MRNIP: variants seen among roughly 807,000 people sequenced by gnomAD.
MRNIP encodes MRN complex-interacting protein.
Under a neutral mutation model 29.8 loss-of-function variants are expected in MRNIP, and 30 were observed. The ratio of observed to expected loss-of-function variants is 1.01; its 90% CI spans 0.75 to 1.36. The LOEUF (loss-of-function observed/expected upper bound fraction) is 1.36. Among genes scored for constraint, MRNIP ranks in the 40% most tolerant of loss-of-function variants. The pLI is 0.00. For synonymous variants in MRNIP, 201 were observed against 164.1 expected, an observed-to-expected ratio of 1.23 and a Z score of -1.72; for missense variants, 459 against 423.5, an observed-to-expected ratio of 1.08 and a Z score of -0.74.
intron 1 of MRNIP, 66 bp from the exon 2 acceptor site, chr5:179,853,503 T>C: frequency 1.5e-6 from 2 of 1,360,530 alleles, no homozygotes; most frequent in Non-Finnish European, 2.1e-6. Flanking sequence ...TGGGCTGGAC[T>C]CGGTGGCTCA....
rs75687657 is a variant in MRNIP at position 179,844,843 on chromosome 5, G to A, written c.216-616C>T. The stretch of plus-strand genomic sequence containing the variant: ...TCTTGCTAAATTATTAGTTCTAGTA[G>A]CTTTTTTGTAGATTCATTAGGATTT... On this transcript the variant is annotated intron_variant, in intron 3 of 6. Transcript: ENST00000292586. Among the ~76,000 whole-genome samples, 27 of 152,212 alleles carry A rather than the reference G, an allele frequency of 1.8e-4. No individual in the cohort carries two copies. The East Asian group carries it at 4.3e-3, about 24-fold the overall frequency.
At chr5:179,852,209 C>T (rs1050916942) in intron 2 of MRNIP, among the ~76,000 whole-genome samples, 3 of 151,474 alleles carry the variant, frequency 2.0e-5, no homozygotes, top group African/African-American at 7.3e-5. Context: ...CTGCTTAAAC[C>T]CGGGAGGCGA....
chr5:179,850,839 T>TCA (rs1759337613), intron 2 of MRNIP, among the ~76,000 whole-genome samples: 1 of 152,144 alleles, frequency 6.6e-6, no homozygotes, highest in African/African-American at 2.4e-5. Flanking sequence ...CATGGCACTG[T>TCA]CACTTGCTTC....
chr5:179,846,417 G>A (rs1759131291), intron 3 of MRNIP, among the ~76,000 whole-genome samples: 1 of 151,948 alleles, frequency 6.6e-6, no homozygotes. Context: ...CCTAGTAGCT[G>A]GGATTACAGG....
Position 179,850,129 on chromosome 5 carries a change from T to C in MRNIP, c.127-2063A>G, listed in dbSNP as rs530303944. ...GAATTTGAGAGCATGAGTCCTGCTA[T>C]GGCACAGGCAGATGTTAAGAGCCTG... On this transcript the variant is annotated intron_variant, in intron 2 of 6. Coordinates refer to ENST00000292586, the MANE Select transcript of MRNIP (RefSeq NM_016175.4). Among the ~76,000 whole-genome samples, 7 of 151,656 alleles carry C rather than the reference T, an allele frequency of 4.6e-5. No individual in the cohort carries two copies. In the South Asian group the frequency reaches 1.5e-3, roughly 31 times the overall value.
chr5:179,853,149 G>GA, intron 2 of MRNIP: 1 of 1,318,626 alleles, frequency 7.6e-7, no homozygotes, highest in Non-Finnish European at 1.0e-6. Flanking sequence ...TTGGCACACA[G>GA]AAAGTACTCA....
intron 6 of MRNIP, chr5:179,839,103 T>C (rs1758749600): frequency 6.6e-6 from 1 of 151,796 alleles, no homozygotes; most frequent in African/African-American, 2.4e-5. Context: ...ATACAAAAAT[T>C]AGCCAGGCGT....
At chr5:179,857,332 G>C (rs1490898826) in intron 1 of MRNIP, among the ~76,000 whole-genome samples, 1 of 151,908 alleles carries the variant, frequency 6.6e-6, no homozygotes, top group South Asian at 2.1e-4. Context: ...TTGGTGGCGC[G>C]CGCCTGTAAT....
chr5:179,850,120 G>A (rs975742654), intron 2 of MRNIP, among the ~76,000 whole-genome samples: 2 of 151,384 alleles, frequency 1.3e-5, no homozygotes, highest in African/African-American at 2.4e-5. Context: ...GAGAGCATGA[G>A]TCCTGCTATG....
chr5:179,847,370 AT>A (rs1489941484), intron 3 of MRNIP: 1 of 152,192 alleles, frequency 6.6e-6, no homozygotes, highest in African/African-American at 2.4e-5. Flanking sequence ...GGGTTTCACC[AT>A]GCTGGCCAGG....
At chr5:179,850,030 C>T (rs1266070992) in intron 2 of MRNIP, among the ~76,000 whole-genome samples, 2 of 114,296 alleles carry the variant, frequency 1.7e-5, no homozygotes, top group Non-Finnish European at 3.7e-5. Context: ...GTCCCGCTAT[C>T]GCACAGGCAG....
At chr5:179,846,024 T>A (rs1759114744) in intron 3 of MRNIP, 1 of 152,224 alleles carries the variant, frequency 6.6e-6, no homozygotes, top group African/African-American at 2.4e-5. Context: ...CCAGGGTATA[T>A]GAGTAGCTGC....
At chr5:179,845,133 A>G (rs1165895568) in intron 3 of MRNIP, among the ~76,000 whole-genome samples, 5 of 151,874 alleles carry the variant, frequency 3.3e-5, no homozygotes, top group Admixed American at 2.0e-4. Context: ...TTCTAGATTT[A>G]TCTTCCATTT....
At chr5:179,854,948 C>T (rs1193455996) in intron 1 of MRNIP, among the ~76,000 whole-genome samples, 1 of 152,090 alleles carries the variant, frequency 6.6e-6, no homozygotes, top group Non-Finnish European at 1.5e-5. Context: ...GGGTTGCCCG[C>T]TATTATTTAC....
Position 179,848,032 on chromosome 5 carries a change from C to T in MRNIP, c.161G>A (p.Arg54His), listed in dbSNP as rs191636298. ...YGEGSGADCR[R>H]HVQKLNLLQG... is the part of the protein sequence containing the mutation. ...TAGTAGATTTAACTTTTGGACATGG[C>T]GTCTACAATCAGCACCAGAGCCTTC... The change falls in exon 3 of 7, where the codon CGC becomes CAC. Residue 54 changes from arginine (R) to histidine (H), a missense_variant. Arg to His is a conservative substitution (Grantham distance 29, BLOSUM62 0). Transcript: ENST00000292586. 65 of 1,613,858 alleles carry T rather than the reference C, an allele frequency of 4.0e-5. No homozygotes were observed. In the East Asian group the frequency reaches 1.1e-3, roughly 28 times the overall value.
At chr5:179,843,050 GAA>G (rs1491389169) in intron 4 of MRNIP, among the ~76,000 whole-genome samples, 12 of 115,824 alleles carry the variant, frequency 1.0e-4, no homozygotes, top group Non-Finnish European at 1.6e-4. Context: ...AAGAAGGAAG[GAA>G]GGAAGGAAGG....
chr5:179,856,043 C>T (rs754326641), intron 1 of MRNIP, among the ~76,000 whole-genome samples: 4 of 150,704 alleles, frequency 2.7e-5, no homozygotes, highest in African/African-American at 7.3e-5. Flanking sequence ...CAAGTAGCTG[C>T]GATTACAGGT....
chr5:179,844,743 T>A (rs1759060896), intron 3 of MRNIP, among the ~76,000 whole-genome samples: 1 of 152,224 alleles, frequency 6.6e-6, no homozygotes, highest in Admixed American at 6.5e-5. Flanking sequence ...ATTTTAAAAA[T>A]CATTTTTCCA....
At position 179,841,983 on chromosome 5, in the gene MRNIP, C is replaced by T. The variant is rs759531833; in HGVS notation, c.373G>A (p.Val125Met). The T allele has an allele frequency of 1.9e-6, 3 of 1,614,190 alleles. No individual in the cohort carries two copies. Among genetic ancestry groups the T allele is most frequent in the South Asian group, 2.2e-5 (2 of 91,078 alleles). Residue 125 changes from valine (V) to methionine (M), a missense_variant, in exon 5 of 7, where the codon GTG becomes ATG. By Grantham distance (21) the Val-to-Met change is conservative (BLOSUM62 1). Coordinates refer to ENST00000292586, the MANE Select transcript of MRNIP (RefSeq NM_016175.4). ...GATGAAGGCTGTTTGCTGAAACACA[C>T]TCCTGTTCCTTCCAGCTCCAGTTCT... ...SQELELEGTG[V>M]CFSKQPSSKM...
Sources: gnomAD v4.1 joint callset for allele counts (sites outside exome capture counted in the v4.1 genomes callset) on GRCh38, gnomAD v4.1.1 for gene constraint, MANE v1.5 for transcripts, NCBI Gene and HGNC (gene_info 2026-07-23, HGNC 2026-07-21) for gene names.